The following FCHSD2 variants were observed in gnomAD, a reference collection of about 807,000 sequenced individuals.
FCHSD2 encodes F-BAR and double SH3 domains protein 2.
FCHSD2 carries 38 observed loss-of-function variants against 108.1 expected under a neutral mutation model. That is an observed-to-expected ratio of 0.35 (90% confidence interval 0.27 to 0.46). The LOEUF (loss-of-function observed/expected upper bound fraction) is 0.46. FCHSD2 is among the 20% of genes least tolerant of loss of function. The probability of loss-of-function intolerance (pLI) is 1.00; values close to 1 mark genes in which losing one functional copy is unlikely to be tolerated. For synonymous variants in FCHSD2, 279 were observed against 314.7 expected (o/e 0.89, Z 1.20); for missense variants, 751 against 897.8 (o/e 0.84, Z 2.09).
chr11:73,118,788 TGA>T (rs1320855559), intron 2 of FCHSD2, among the ~76,000 whole-genome samples: 2 of 152,194 alleles, frequency 1.3e-5, no homozygotes, highest in East Asian at 3.8e-4. Flanking sequence ...CTCACAACTC[TGA>T]GAGACCACTA....
chr11:73,060,296 TTTCTACCTATTTA>T (rs1216146278), intron 3 of FCHSD2, among the ~76,000 whole-genome samples: 2 of 152,234 alleles, frequency 1.3e-5, no homozygotes, highest in Non-Finnish European at 2.9e-5. Flanking sequence ...CATATCTTCA[TTTCTACCTATTTA>T]TTATTATTAT....
chr11:73,013,989 T>C (rs1490468275), intron 4 of FCHSD2, among the ~76,000 whole-genome samples: 2 of 152,144 alleles, frequency 1.3e-5, no homozygotes, highest in Non-Finnish European at 2.9e-5. Context: ...CCAGCAACAC[T>C]GAACATCCCA....
rs574319820 is a variant in FCHSD2, at chr11:72,918,391, T to G, written c.828+3437A>C. 2.0e-5 allele frequency among the ~76,000 whole-genome samples: 3 copies of G among 152,314 alleles called. No homozygotes were observed. In the South Asian group the frequency reaches 6.2e-4, roughly 32 times the overall value. ...CCTTTTATTTCTTTTTCTTACCGAA[T>G]TGCCCTGTCTAGGACTTCCAGTACA... On this transcript the variant is annotated intron_variant, in intron 9 of 19. Coordinates refer to ENST00000409418, the MANE Select transcript of FCHSD2 (RefSeq NM_014824.3).
At chr11:72,922,031 G>A (rs1407549506) in intron 8 of FCHSD2, 81 bp from the exon 9 acceptor site, 2 of 925,792 alleles carry the variant, frequency 2.2e-6, no homozygotes, top group East Asian at 2.7e-5. Context: ...GAGAAAAGTA[G>A]GTATGTTCAG....
At chr11:72,860,440 A>G (rs1456209994) in intron 13 of FCHSD2, among the ~76,000 whole-genome samples, 1 of 152,220 alleles carries the variant, frequency 6.6e-6, no homozygotes, top group Non-Finnish European at 1.5e-5. Context: ...TTTGACTACA[A>G]TGGAAATAAA....
intron 12 of FCHSD2, among the ~76,000 whole-genome samples, chr11:72,870,006 C>A (rs547769705): frequency 1.3e-5 from 2 of 152,066 alleles, no homozygotes; most frequent in Non-Finnish European, 2.9e-5. Flanking sequence ...CTTTCCACAC[C>A]CCCCTATGCT....
At position 72,951,875 on chromosome 11, in the gene FCHSD2, A is replaced by G. The variant is rs114634336; in HGVS notation, c.706-29925T>C. On this transcript the variant is annotated intron_variant, in intron 8 of 19. Transcript: ENST00000409418. The stretch of plus-strand genomic sequence containing the variant: ...GAGGCTAGCGTTCAGTATAGCAGAG[A>G]AAGTCCTTACTCCCATAAAACTTAG... 7.9e-3 allele frequency among the ~76,000 whole-genome samples: 1,207 copies of G among 152,334 alleles called. 20 individuals carry two copies. The highest frequency in any genetic ancestry group is 0.027 in the African/African-American group (1,131 of 41,566).
chr11:73,122,184 A>G (rs916021670), intron 2 of FCHSD2, among the ~76,000 whole-genome samples: 1 of 152,196 alleles, frequency 6.6e-6, no homozygotes, highest in African/African-American at 2.4e-5. Context: ...AGGCAAAAAA[A>G]AAAAATGTAG....
At chr11:73,037,184 C>T (rs1247993619) in intron 3 of FCHSD2, among the ~76,000 whole-genome samples, 2 of 152,080 alleles carry the variant, frequency 1.3e-5, no homozygotes, top group African/African-American at 2.4e-5. Context: ...ACAGAGAGTT[C>T]CCATGTATCA....
At chr11:73,005,348 A>C (rs1857717064) in intron 4 of FCHSD2, among the ~76,000 whole-genome samples, 1 of 152,232 alleles carries the variant, frequency 6.6e-6, no homozygotes, top group African/African-American at 2.4e-5. Context: ...CAAAGTCATC[A>C]AAGATCTTCC....
chr11:72,917,118 G>A (rs1459198706), intron 9 of FCHSD2, among the ~76,000 whole-genome samples: 2 of 151,850 alleles, frequency 1.3e-5, no homozygotes, highest in Admixed American at 6.6e-5. Context: ...CCAAGCAGCT[G>A]GGACTACAGG....
At chr11:73,116,393 C>A (rs532897471) in intron 2 of FCHSD2, among the ~76,000 whole-genome samples, 20 of 152,248 alleles carry the variant, frequency 1.3e-4, no homozygotes, top group Non-Finnish European at 2.4e-4. Context: ...CACAGTTATA[C>A]AAGATTAATA....
chr11:72,900,415 T>G, intron 10 of FCHSD2: 1 of 848,978 alleles, frequency 1.2e-6, no homozygotes, highest in Non-Finnish European at 1.9e-6. Flanking sequence ...CTAAGAACAT[T>G]TAGCACAGTG....
chr11:72,978,850 CTTTCT>C (rs1354410789), intron 8 of FCHSD2, among the ~76,000 whole-genome samples: 25 of 113,928 alleles, frequency 2.2e-4, no homozygotes, highest in African/African-American at 7.2e-4. Flanking sequence ...TCAGGTAGCT[CTTTCT>C]TTTTTTTTTT....
intron 2 of FCHSD2, among the ~76,000 whole-genome samples, chr11:73,110,990 CTTG>C (rs1860470300): frequency 6.6e-6 from 1 of 151,848 alleles, no homozygotes; most frequent in South Asian, 2.1e-4. Flanking sequence ...CAAAATTATT[CTTG>C]TTATTGATTT....
At chr11:73,043,117 C>A (rs530794585) in intron 3 of FCHSD2, among the ~76,000 whole-genome samples, 1 of 152,280 alleles carries the variant, frequency 6.6e-6, no homozygotes, top group African/African-American at 2.4e-5. Context: ...AAGTGGGCAT[C>A]CTTGTCTTAC....
At chr11:73,037,299 G>A (rs1858521807) in intron 3 of FCHSD2, among the ~76,000 whole-genome samples, 1 of 152,128 alleles carries the variant, frequency 6.6e-6, no homozygotes, top group Admixed American at 6.5e-5. Flanking sequence ...GTCATCTGAA[G>A]TCCATGGTTT....
chr11:73,097,187 AG>A (rs1190785795), intron 2 of FCHSD2, among the ~76,000 whole-genome samples: 1 of 150,358 alleles, frequency 6.7e-6, no homozygotes, highest in East Asian at 1.9e-4. Context: ...ATTTTTTCGT[AG>A]AGATGGGGTT....
chr11:72,843,073 C>T, intron 16 of FCHSD2, 78 bp downstream of exon 16: 1 of 1,391,466 alleles, frequency 7.2e-7, no homozygotes, highest in Non-Finnish European at 1.0e-6. Context: ...GCTTTTTATC[C>T]TACTGAAGGC....
Sources: gnomAD v4.1 joint callset for allele counts (sites outside exome capture counted in the v4.1 genomes callset) on GRCh38, gnomAD v4.1.1 for gene constraint, MANE v1.5 for transcripts, NCBI Gene and HGNC (gene_info 2026-07-23, HGNC 2026-07-21) for gene names.